GFM2: variants seen among roughly 807,000 people sequenced by gnomAD.
GFM2 encodes ribosome-releasing factor 2, mitochondrial.
In GFM2, 72 loss-of-function variants were observed where a neutral mutation model predicts 95.4. The ratio of observed to expected loss-of-function variants is 0.76; its 90% confidence interval spans 0.62 to 0.92. The LOEUF (loss-of-function observed/expected upper bound fraction) is 0.92, where lower values mean the gene tolerates loss of function less well. GFM2 is among the 40% of genes least tolerant of loss of function. The pLI is 0.00. For missense variants in GFM2, 825 were observed against 924.1 expected (o/e 0.89, Z 1.39); for synonymous variants, 276 against 317.5 (o/e 0.87, Z 1.39).
intron 10 of GFM2, among the ~76,000 whole-genome samples, chr5:74,742,486 T>C (rs765284941): frequency 6.6e-6 from 1 of 152,194 alleles, no homozygotes; most frequent in Non-Finnish European, 1.5e-5. Flanking sequence ...GAGGCTGTTA[T>C]AAAGATTAAA....
rs1419956415 is a variant in GFM2, at chr5:74,751,223, TA to T, written c.430+144del. 4 of 722,552 alleles carry T rather than the reference TA, an allele frequency of 5.5e-6. No homozygotes were observed. The Admixed American group carries it at 1.1e-4, about 20-fold the overall frequency. The allele number at this position is 722,552 out of a possible 1,614,324, so 44.8% of individuals were successfully genotyped here. On this transcript the variant is annotated intron_variant, in intron 6 of 20. Transcript: ENST00000296805. Reference sequence around the variant, plus strand: ...GCAATGTGATTATACTTAACACTACTAAACTGTACACTTAAAAATGGTTGAG... The same window carrying T: ...GCAATGTGATTATACTTAACACTACTAACTGTACACTTAAAAATGGTTGAG...
chr5:74,738,746 T>C (rs931197445), intron 12 of GFM2, 104 bp from the exon 13 acceptor site: 13 of 1,033,160 alleles, frequency 1.3e-5, no homozygotes, highest in Admixed American at 5.9e-5. Context: ...CTAGTAGAGC[T>C]ACTTAGAGCC....
chr5:74,731,753 A>G (rs1035542939), intron 16 of GFM2, among the ~76,000 whole-genome samples: 1 of 152,216 alleles, frequency 6.6e-6, no homozygotes, highest in South Asian at 2.1e-4. Flanking sequence ...TTGCAAAACT[A>G]TATTATGCTG....
At chr5:74,758,687 A>C (rs1003147772) in intron 5 of GFM2, among the ~76,000 whole-genome samples, 162 bp downstream of exon 5, 6 of 152,094 alleles carry the variant, frequency 3.9e-5, no homozygotes, top group Non-Finnish European at 7.4e-5. Context: ...ATCTAAGAAG[A>C]CCCTTTGGTG....
At chr5:74,764,385 T>C (rs1320321261) in intron 1 of GFM2, among the ~76,000 whole-genome samples, 2 of 152,240 alleles carry the variant, frequency 1.3e-5, no homozygotes, top group Admixed American at 1.3e-4. Context: ...AGACAGACCA[T>C]GTTAAACCAA....
At chr5:74,752,365 G>A (rs1743762428) in intron 5 of GFM2, among the ~76,000 whole-genome samples, 2 of 152,068 alleles carry the variant, frequency 1.3e-5, no homozygotes, top group Admixed American at 1.3e-4. Flanking sequence ...CCCCTAAAAT[G>A]GTAGCTAGTT....
At chr5:74,762,331 T>A (rs962622875) in intron 2 of GFM2, among the ~76,000 whole-genome samples, 1 of 152,174 alleles carries the variant, frequency 6.6e-6, no homozygotes, top group Non-Finnish European at 1.5e-5. Flanking sequence ...AGAACCTAAT[T>A]ACTATCAATC....
chr5:74,752,189 AC>A (rs1423405115), intron 5 of GFM2, among the ~76,000 whole-genome samples: 1 of 152,212 alleles, frequency 6.6e-6, no homozygotes, highest in African/African-American at 2.4e-5. Flanking sequence ...TCACAAAAAA[AC>A]TATCCTGAAC....
In GFM2 at chr5:74,730,378, C is replaced by T; in HGVS notation, c.1608G>A (p.Gly536=). 1 of 1,606,842 alleles carries T rather than the reference C, an allele frequency of 6.2e-7. No individual in the cohort carries two copies. Among genetic ancestry groups the T allele is most frequent in the African/African-American group, 1.3e-5 (1 of 74,754 alleles). Residue 536 remains glycine, a synonymous_variant, in exon 17 of 21, where the codon GGG becomes GGA. Coordinates refer to ENST00000296805, the MANE Select transcript of GFM2 (RefSeq NM_032380.5). ...CATGAATAATCTCTATATGTAACTCCCCCATACCACACAGAACAGTCTGGT... is the reference window on the plus strand; with the variant it reads ...CATGAATAATCTCTATATGTAACTCTCCCATACCACACAGAACAGTCTGGT... The part of the protein sequence containing the change: ...DSGQTVLCGM[G]ELHIEIIHDR...
chr5:74,763,067 T>G (rs558680723), intron 2 of GFM2, among the ~76,000 whole-genome samples: 5 of 152,328 alleles, frequency 3.3e-5, no homozygotes, highest in Admixed American at 3.3e-4. Context: ...GGTATTATTA[T>G]GTTTGAGATT....
intron 12 of GFM2, 139 bp downstream of exon 12, chr5:74,739,850 A>G (rs952412213): frequency 5.2e-6 from 3 of 575,680 alleles, no homozygotes; most frequent in African/African-American, 3.9e-5. Flanking sequence ...AAAAATTACT[A>G]TGATTCCTTA....
At position 74,740,129 on chromosome 5, in the gene GFM2, A is replaced by G; in HGVS notation, c.939T>C (p.Thr313=). The G allele has an allele frequency of 6.3e-7, 1 of 1,597,666 alleles. No homozygotes were observed. Among genetic ancestry groups the G allele is most frequent in the South Asian group, 1.1e-5 (1 of 87,650 alleles). Residue 313 remains threonine (T), a synonymous_variant, in exon 12 of 21, where the codon ACT becomes ACC. Coordinates refer to ENST00000296805, the MANE Select transcript of GFM2 (RefSeq NM_032380.5). ...GAGCTAGTGTCACTCTATGTATTGC[A>G]GTCTGTAGCTACAGAGCAGAGATAC... ...FDLLPAEKLQ[T]AIHRVTLAQT... is the part of the protein sequence containing the mutation.
At chr5:74,727,553 T>C (rs1201281964) in intron 17 of GFM2, among the ~76,000 whole-genome samples, 1 of 152,226 alleles carries the variant, frequency 6.6e-6, no homozygotes, top group Non-Finnish European at 1.5e-5. Context: ...CTTCCCTATT[T>C]ACCTATGTAT....
At chr5:74,759,235 A>AT (rs1744153299) in intron 4 of GFM2, 134 bp downstream of exon 4, 1 of 663,790 alleles carries the variant, frequency 1.5e-6, no homozygotes, top group African/African-American at 1.8e-5. Context: ...GCTAAGATAC[A>AT]TTATCAACAT....
chr5:74,750,764 T>C (rs1580006209), intron 6 of GFM2, 97 bp from the exon 7 acceptor site: 1 of 793,572 alleles, frequency 1.3e-6, no homozygotes, highest in South Asian at 1.5e-5. Context: ...GGTGTGTGTG[T>C]ATATATATGT....
At chr5:74,758,810 G>C (rs1298098895) in intron 5 of GFM2, 39 bp downstream of exon 5, 1 of 1,250,498 alleles carries the variant, frequency 8.0e-7, no homozygotes. Flanking sequence ...TGATGCTTTT[G>C]CTAATGGGGG....
chr5:74,760,430 A>T (rs1744219281), intron 3 of GFM2, among the ~76,000 whole-genome samples: 1 of 152,190 alleles, frequency 6.6e-6, no homozygotes, highest in African/African-American at 2.4e-5. Context: ...CAGAAAGGAC[A>T]TTCAAAAGTA....
At chr5:74,746,232 A>AG (rs1282553283) in intron 8 of GFM2, 67 bp from the exon 9 acceptor site, 4 of 856,108 alleles carry the variant, frequency 4.7e-6, no homozygotes, top group Non-Finnish European at 6.6e-6. Context: ...GTATCAAGAG[A>AG]GGAAAAAAAA....
At chr5:74,733,526 G>A (rs1415774390) in intron 15 of GFM2, 1 of 154,164 alleles carries the variant, frequency 6.5e-6, no homozygotes, top group Non-Finnish European at 1.4e-5. Flanking sequence ...AGAGGGAATG[G>A]CTATACAAGG....
Sources: allele counts gnomAD v4.1 joint callset (sites outside exome capture counted in the v4.1 genomes callset), GRCh38; gene constraint gnomAD v4.1.1; transcripts MANE v1.5; gene names NCBI Gene and HGNC (gene_info 2026-07-23, HGNC 2026-07-21).